Variants in CNTN5 observed in about 807,000 individuals in gnomAD.
CNTN5 encodes the protein contactin-5.
CNTN5 carries 77 observed loss-of-function variants against 129.1 expected under a neutral mutation model. That is an observed-to-expected ratio of 0.60 (90% CI 0.50 to 0.72). CNTN5 has a LOEUF of 0.72. Ranked by LOEUF, CNTN5 falls within the 30% of genes least tolerant of loss-of-function variation. CNTN5 has a pLI of 0.00. For synonymous variants in CNTN5, 509 were observed against 465.6 expected (o/e 1.09, Z -1.20); for missense variants, 1,478 against 1,328.8 (o/e 1.11, Z -1.75).
At chr11:99,477,723 G>A (rs1424194251) in intron 2 of CNTN5, among the ~76,000 whole-genome samples, 4 of 151,684 alleles carry the variant, frequency 2.6e-5, no homozygotes, top group African/African-American at 9.7e-5. Context: ...GCCAAGGGAG[G>A]AGGATTGCCT....
intron 2 of CNTN5, among the ~76,000 whole-genome samples, chr11:99,432,591 C>G (rs1482349696): frequency 1.3e-5 from 2 of 151,376 alleles, no homozygotes; most frequent in African/African-American, 4.9e-5. Context: ...TACAAACAGT[C>G]ATAATATCTC....
intron 13 of CNTN5, among the ~76,000 whole-genome samples, chr11:100,130,841 T>G (rs949677866): frequency 1.3e-5 from 2 of 152,004 alleles, no homozygotes; most frequent in Non-Finnish European, 2.9e-5. Context: ...GGGGGAAAAT[T>G]GGGCAATTTA....
intron 9 of CNTN5, among the ~76,000 whole-genome samples, chr11:100,059,726 A>T (rs769724598): frequency 6.6e-6 from 1 of 152,174 alleles, no homozygotes. Flanking sequence ...ACAGTATCAC[A>T]TATTACCAAT....
chr11:99,711,426 A>G (rs1375705340), intron 3 of CNTN5, among the ~76,000 whole-genome samples: 1 of 151,920 alleles, frequency 6.6e-6, no homozygotes, highest in Admixed American at 6.6e-5. Flanking sequence ...TTAGTTTTAT[A>G]AAGTATTTTT....
At chr11:99,090,733 A>AC (rs1430078318) in intron 1 of CNTN5, among the ~76,000 whole-genome samples, 66 of 151,358 alleles carry the variant, frequency 4.4e-4, no homozygotes, top group Non-Finnish European at 7.4e-4. Flanking sequence ...AAAAAAAAAA[A>AC]AAAAAACGGC....
At chr11:99,085,618 G>T (rs1865975633) in intron 1 of CNTN5, among the ~76,000 whole-genome samples, 1 of 152,092 alleles carries the variant, frequency 6.6e-6, no homozygotes, top group African/African-American at 2.4e-5. Flanking sequence ...AATCAGTGAA[G>T]TAAAATATCA....
chr11:99,042,365 C>CTTTTTTTTTT lies in CNTN5; in HGVS notation c.-210+21113_-210+21122dup, dbSNP rs1210153589. On this transcript the variant is annotated intron_variant, in intron 1 of 24. Coordinates refer to ENST00000524871, the MANE Select transcript of CNTN5 (RefSeq NM_014361.4). ...CACATGTACCTCCCTTCTTCTTCTT[C>CTTTTTTTTTT]TTTTTTTTTTTTTTTTTTTTTTTTT... Among the ~76,000 whole-genome samples, 28 of 83,788 alleles carry CTTTTTTTTTT rather than the reference C, an allele frequency of 3.3e-4. 2 individuals are homozygous for CTTTTTTTTTT. Among genetic ancestry groups the CTTTTTTTTTT allele is most frequent in the East Asian group, 3.2e-3 (8 of 2,506 alleles). 55.0% of individuals were successfully genotyped at this position (83,788 alleles called of 152,430 possible).
chr11:99,468,990 T>A (rs1945061769), intron 2 of CNTN5, among the ~76,000 whole-genome samples: 1 of 152,104 alleles, frequency 6.6e-6, no homozygotes, highest in Non-Finnish European at 1.5e-5. Context: ...ATTTTTGATA[T>A]TTACTCCTTG....
chr11:100,108,149 G>A (rs1382028110), intron 13 of CNTN5, among the ~76,000 whole-genome samples: 1 of 151,982 alleles, frequency 6.6e-6, no homozygotes, highest in Non-Finnish European at 1.5e-5. Flanking sequence ...AGGCCAAGCT[G>A]AGAACGGCAC....
intron 3 of CNTN5, among the ~76,000 whole-genome samples, chr11:99,653,298 A>AT (rs890989833): frequency 2.0e-5 from 3 of 152,018 alleles, no homozygotes; most frequent in African/African-American, 7.2e-5. Flanking sequence ...AGGGCAAGAC[A>AT]TTTTTTTATA....
intron 16 of CNTN5, among the ~76,000 whole-genome samples, chr11:100,251,566 T>C (rs1253085675): frequency 6.6e-6 from 1 of 152,102 alleles, no homozygotes; most frequent in East Asian, 1.9e-4. Context: ...TCTCTCCCTA[T>C]GCTATTCTCC....
At chr11:99,512,648 G>T (rs1297684470) in intron 2 of CNTN5, among the ~76,000 whole-genome samples, 1 of 152,022 alleles carries the variant, frequency 6.6e-6, no homozygotes, top group Non-Finnish European at 1.5e-5. Flanking sequence ...ATAGTTTCAA[G>T]CTTTTTCATT....
At chr11:99,713,897 AT>A (rs1470244247) in intron 3 of CNTN5, among the ~76,000 whole-genome samples, 2 of 152,106 alleles carry the variant, frequency 1.3e-5, no homozygotes, top group African/African-American at 4.8e-5. Flanking sequence ...TGAGCAAAAA[AT>A]AGTTTTTCTG....
At chr11:99,705,868 A>G (rs1954733498) in intron 3 of CNTN5, among the ~76,000 whole-genome samples, 1 of 151,414 alleles carries the variant, frequency 6.6e-6, no homozygotes, top group South Asian at 2.1e-4. Context: ...GATCCTCACA[A>G]TCTAATAAGG....
At chr11:99,652,316 A>G (rs192626349) in intron 3 of CNTN5, among the ~76,000 whole-genome samples, 64 of 152,178 alleles carry the variant, frequency 4.2e-4, no homozygotes, top group Non-Finnish European at 2.8e-4. Context: ...AGGGCAATCT[A>G]TCTTCAGTTG....
intron 3 of CNTN5, among the ~76,000 whole-genome samples, chr11:99,596,880 A>G (rs534492847): frequency 2.6e-5 from 4 of 152,310 alleles, no homozygotes; most frequent in African/African-American, 9.6e-5. Flanking sequence ...AAATAGGCAT[A>G]CATATAAAAC....
intron 2 of CNTN5, among the ~76,000 whole-genome samples, chr11:99,537,645 C>G (rs1947950741): frequency 6.6e-6 from 1 of 152,134 alleles, no homozygotes; most frequent in Non-Finnish European, 1.5e-5. Flanking sequence ...ACCACAAAAA[C>G]TTCAATTAAT....
intron 3 of CNTN5, 129 bp from the exon 4 acceptor site, chr11:99,819,415 C>T (rs1485145244): frequency 2.8e-6 from 2 of 714,502 alleles, no homozygotes; most frequent in African/African-American, 1.8e-5. Context: ...CACACTCTCA[C>T]TGTAATCTGA....
intron 13 of CNTN5, among the ~76,000 whole-genome samples, chr11:100,147,654 G>GTA (rs1946898191): frequency 6.6e-6 from 1 of 151,980 alleles, no homozygotes; most frequent in Non-Finnish European, 1.5e-5. Context: ...GTGTGTGTGT[G>GTA]TATCCTTTAT....
Sources: gnomAD v4.1 joint callset for allele counts (sites outside exome capture counted in the v4.1 genomes callset) on GRCh38, gnomAD v4.1.1 for gene constraint, MANE v1.5 for transcripts, NCBI Gene and HGNC (gene_info 2026-07-23, HGNC 2026-07-21) for gene names.